WWC1: variants seen among roughly 807,000 people sequenced by gnomAD.
WWC1 encodes WW and C2 domain containing 1.
WWC1 carries 55 observed loss-of-function variants against 138.4 expected under a neutral mutation model. The ratio of observed to expected loss-of-function variants is 0.40; its 90% CI spans 0.32 to 0.50. The LOEUF (loss-of-function observed/expected upper bound fraction) is 0.50, where lower values mean the gene tolerates loss of function less well. Among genes scored for constraint, WWC1 ranks in the 20% least tolerant of loss-of-function variants. The pLI, the probability that WWC1 is intolerant of heterozygous loss-of-function variation, is 0.72. For synonymous variants in WWC1, 524 were observed against 564.9 expected, an observed-to-expected ratio of 0.93 and a Z score of 1.03; for missense variants, 1,226 against 1,420.4, an observed-to-expected ratio of 0.86 and a Z score of 2.20.
chr5:168,336,429 G>GGGCATGGT (rs1395300823), intron 1 of WWC1, among the ~76,000 whole-genome samples: 1 of 151,952 alleles, frequency 6.6e-6, no homozygotes, highest in Admixed American at 6.6e-5. Flanking sequence ...AAAATTAGCT[G>GGGCATGGT]GGCATGGTGG....
intron 1 of WWC1, among the ~76,000 whole-genome samples, chr5:168,333,984 C>T (rs1420648824): frequency 1.6e-5 from 2 of 127,194 alleles, no homozygotes; most frequent in Admixed American, 1.0e-4. Context: ...GAAGCCAAGA[C>T]GGGGAAGGAT....
At chr5:168,303,092 T>G (rs1770240969) in intron 1 of WWC1, among the ~76,000 whole-genome samples, 1 of 152,180 alleles carries the variant, frequency 6.6e-6, no homozygotes, top group Non-Finnish European at 1.5e-5. Context: ...GGGTACTCAA[T>G]TATCCCCGTT....
intron 2 of WWC1, among the ~76,000 whole-genome samples, chr5:168,382,404 C>G (rs1357103297): frequency 2.0e-5 from 3 of 152,250 alleles, no homozygotes; most frequent in Non-Finnish European, 4.4e-5. Flanking sequence ...TCTTATTTCA[C>G]AAACTTGTCA....
intron 1 of WWC1, among the ~76,000 whole-genome samples, chr5:168,320,082 T>A (rs1022161868): frequency 8.6e-5 from 13 of 151,696 alleles, no homozygotes; most frequent in Non-Finnish European, 1.6e-4. Flanking sequence ...TTGCCCAGGC[T>A]GGAGTGCACT....
intron 12 of WWC1, 85 bp from the exon 13 acceptor site, chr5:168,428,622 C>T: frequency 7.2e-7 from 1 of 1,393,420 alleles, no homozygotes; most frequent in Non-Finnish European, 1.0e-6. Context: ...CCCCAACTTT[C>T]CTTCCTGGGG....
intron 1 of WWC1, among the ~76,000 whole-genome samples, chr5:168,315,561 G>A (rs1771512639): frequency 6.6e-6 from 1 of 151,948 alleles, no homozygotes; most frequent in Non-Finnish European, 1.5e-5. Context: ...GGCCCACTGT[G>A]TTTTCTCCTA....
intron 5 of WWC1, among the ~76,000 whole-genome samples, chr5:168,404,510 T>A (rs1371154802): frequency 1.3e-5 from 2 of 152,204 alleles, no homozygotes; most frequent in Non-Finnish European, 2.9e-5. Flanking sequence ...GTTGAGACCG[T>A]GCTCCATGCC....
At chr5:168,334,390 T>G (rs1463281159) in intron 1 of WWC1, among the ~76,000 whole-genome samples, 1 of 152,156 alleles carries the variant, frequency 6.6e-6, no homozygotes, top group African/African-American at 2.4e-5. Context: ...CATTGCAACC[T>G]TGTGCATTAT....
At position 168,408,572 on chromosome 5, in the gene WWC1, C is replaced by A. The variant is rs1208373146; in HGVS notation, c.786C>A (p.Ser262Arg). 1 of 1,614,116 alleles carries A rather than the reference C, an allele frequency of 6.2e-7. No homozygotes were observed. Among genetic ancestry groups the A allele is most frequent in the Non-Finnish European group, 8.5e-7 (1 of 1,180,056 alleles). Reference protein sequence around the residue: ...DRGSHSDLWSSSSSLESSSFP... With the variant: ...DRGSHSDLWSRSSSLESSSFP... ...GGTCTCACTCAGACCTGTGGTCCAGCAGCAGCTCTCTGGAGAGTTCGAGTT... is the reference window on the plus strand; with the variant it reads ...GGTCTCACTCAGACCTGTGGTCCAGAAGCAGCTCTCTGGAGAGTTCGAGTT... Residue 262 changes from serine to arginine, a missense_variant, in exon 7 of 23, where the codon AGC becomes AGA. Physicochemically the swap from Ser to Arg is moderately radical, Grantham distance 110. Transcript: ENST00000265293.
chr5:168,393,159 A>G (rs903871742), intron 3 of WWC1, among the ~76,000 whole-genome samples: 3 of 152,206 alleles, frequency 2.0e-5, no homozygotes, highest in Admixed American at 2.0e-4. Flanking sequence ...CTATCTGAGG[A>G]AAATATGTTC....
intron 17 of WWC1, among the ~76,000 whole-genome samples, chr5:168,451,441 A>G (rs1295433373): frequency 6.6e-6 from 1 of 152,208 alleles, no homozygotes; most frequent in Non-Finnish European, 1.5e-5. Flanking sequence ...TCAGTGGCTT[A>G]CACCAGTAAT....
chr5:168,406,871 G>A (rs1166929485), intron 6 of WWC1, among the ~76,000 whole-genome samples: 1 of 152,174 alleles, frequency 6.6e-6, no homozygotes, highest in Non-Finnish European at 1.5e-5. Context: ...GAACCCAGGA[G>A]GTGGAGCTTG....
At chr5:168,331,299 C>G (rs1262413906) in intron 1 of WWC1, among the ~76,000 whole-genome samples, 1 of 152,214 alleles carries the variant, frequency 6.6e-6, no homozygotes, top group African/African-American at 2.4e-5. Flanking sequence ...AAAGTATACA[C>G]TCCCATCAAC....
chr5:168,401,385 C>A (rs1779299022), intron 5 of WWC1, among the ~76,000 whole-genome samples: 1 of 152,192 alleles, frequency 6.6e-6, no homozygotes, highest in Admixed American at 6.5e-5. Flanking sequence ...CTGTTTCTCG[C>A]TTTTTGTCCC....
intron 17 of WWC1, among the ~76,000 whole-genome samples, chr5:168,449,924 G>T (rs1755646508): frequency 1.3e-5 from 2 of 152,210 alleles, no homozygotes; most frequent in Admixed American, 1.3e-4. Flanking sequence ...AAGGAGGAGA[G>T]CCAAGGCCCC....
rs60746695 is a variant in WWC1 at position 168,446,232 on chromosome 5, TAAAAAAAAAAA to T, written c.2525+1666_2525+1676del. 4.1e-4 allele frequency among the ~76,000 whole-genome samples: 24 copies of T among 58,768 alleles called. No individual in the cohort carries two copies. The East Asian group carries it at 5.0e-3, about 12-fold the overall frequency. 38.6% of individuals were successfully genotyped at this position (58,768 alleles called of 152,430 possible). Reference sequence around the variant, plus strand: ...AAGCCTGAGCCTTCTCTCCCATTATTAAAAAAAAAAAAAAAAAAAAAAAAAAAAAGGTTAGC... The same window carrying T: ...AAGCCTGAGCCTTCTCTCCCATTATTAAAAAAAAAAAAAAAAAAGGTTAGC... On this transcript the variant is annotated intron_variant, in intron 17 of 22. Transcript: ENST00000265293.
rs1179391923 is a variant in WWC1, at chr5:168,423,608, T to A, written c.1350T>A (p.Val450=). Residue 450 remains valine (V), a synonymous_variant, in exon 11 of 23, where the codon GTT becomes GTA. Transcript: ENST00000265293. ...GSLTSSRGSL[V]ASSLDSSTSA... ...TCACGTCCAGCCGGGGCTCCCTGGT[T>A]GCATCCAGCCTGGACTCCTCCACTT... 1 of 1,613,968 alleles carries A rather than the reference T, an allele frequency of 6.2e-7. No homozygotes were observed. Among genetic ancestry groups the A allele is most frequent in the African/African-American group, 1.3e-5 (1 of 74,908 alleles).
At position 168,471,752 on chromosome 5, in the gene WWC1, A is replaced by G. The variant is rs1355687642; in HGVS notation, c.*2735A>G. ...TCTCTTCCCAAGGCTACCTCTGGCCATGGTTCCAGCTTCATGGGGGCAATG... is the reference window on the plus strand; with the variant it reads ...TCTCTTCCCAAGGCTACCTCTGGCCGTGGTTCCAGCTTCATGGGGGCAATG... On this transcript the variant is annotated 3_prime_UTR_variant, in exon 23 of 23. Transcript: ENST00000265293. 2.0e-5 allele frequency: 3 copies of G among 152,290 alleles called. No individual in the cohort carries two copies. Among genetic ancestry groups the G allele is most frequent in the African/African-American group, 4.8e-5 (2 of 41,452 alleles). The allele number at this position is 152,290 out of a possible 1,614,324, so 9.4% of individuals were successfully genotyped here.
chr5:168,303,584 G>A (rs1490934230), intron 1 of WWC1, among the ~76,000 whole-genome samples: 1 of 152,104 alleles, frequency 6.6e-6, no homozygotes, highest in East Asian at 1.9e-4. Context: ...AGTCCAGCCT[G>A]GGTGACAGAG....
Sources: gnomAD v4.1 joint callset for allele counts (sites outside exome capture counted in the v4.1 genomes callset) on GRCh38, gnomAD v4.1.1 for gene constraint, MANE v1.5 for transcripts, NCBI Gene and HGNC (gene_info 2026-07-23, HGNC 2026-07-21) for gene names.